CLEC4C: variants seen among roughly 807,000 people sequenced by gnomAD.
The protein encoded by CLEC4C is C-type (calcium dependent, carbohydrate-recognition domain) lectin, superfamily member 11.
Under a neutral mutation model 27.7 loss-of-function variants are expected in CLEC4C, and 17 were observed. The ratio of observed to expected loss-of-function variants is 0.61; its 90% CI spans 0.42 to 0.92. CLEC4C has a LOEUF of 0.92. Among genes scored for constraint, CLEC4C ranks in the 40% least tolerant of loss-of-function variants. CLEC4C has a pLI of 0.00. For synonymous variants in CLEC4C, 80 were observed against 80.8 expected, an observed-to-expected ratio of 0.99 and a Z score of 0.06; for missense variants, 244 against 257.3, an observed-to-expected ratio of 0.95 and a Z score of 0.35.
intron 3 of CLEC4C, among the ~76,000 whole-genome samples, chr12:7,738,284 T>C (rs1792889125): frequency 6.6e-6 from 1 of 152,174 alleles, no homozygotes. Context: ...GGAATATTTC[T>C]CACTCAGAAT....
intron 3 of CLEC4C, 82 bp from the exon 4 acceptor site, chr12:7,737,656 TTTAA>T: frequency 7.3e-7 from 1 of 1,362,124 alleles, no homozygotes; most frequent in South Asian, 1.4e-5. Flanking sequence ...CTTGCTAAGG[TTTAA>T]TTAGTTTTCA....
At chr12:7,735,973 A>G (rs754962106) in intron 4 of CLEC4C, among the ~76,000 whole-genome samples, 1 of 152,072 alleles carries the variant, frequency 6.6e-6, no homozygotes, top group African/African-American at 2.4e-5. Flanking sequence ...CAGGATAGAC[A>G]TAGTTGAAGA....
At chr12:7,748,474 C>T (rs1007622126), upstream of CLEC4C, among the ~76,000 whole-genome samples, 8 of 151,502 alleles carry the variant, frequency 5.3e-5, no homozygotes, top group South Asian at 2.1e-4. Context: ...TACAGTGAGC[C>T]GAGATCGTGC....
At chr12:7,730,639 TAAAA>T (rs80129912) in intron 5 of CLEC4C, 154 bp downstream of exon 5, 910 of 284,828 alleles carry the variant, frequency 3.2e-3, no homozygotes, top group Middle Eastern at 7.4e-3. Flanking sequence ...GACTCTTGTC[TAAAA>T]AAAAAAAAAA....
At chr12:7,741,636 T>G in intron 2 of CLEC4C, 105 bp from the exon 3 acceptor site, 1 of 663,742 alleles carries the variant, frequency 1.5e-6, no homozygotes, top group Middle Eastern at 3.0e-4. Context: ...GCCTGTAATC[T>G]CAGCACTTTA....
chr12:7,741,064 G>C lies in CLEC4C; in HGVS notation c.235+357C>G, dbSNP rs147674574. Among the ~76,000 whole-genome samples the C allele has an allele frequency of 8.9e-3, 1,356 of 152,156 alleles. 91 individuals are homozygous for C. In the East Asian group the frequency reaches 0.16, roughly 18 times the overall value. On this transcript the variant is annotated intron_variant, in intron 3 of 5. Coordinates refer to ENST00000360345, the MANE Select transcript of CLEC4C (RefSeq NM_001371390.1). Reference sequence around the variant, plus strand: ...ACCGTGGTCTCGATCTCCTGACCTCGTGATCCGCCCGCCTCGGCCTCCCAA... The same window carrying C: ...ACCGTGGTCTCGATCTCCTGACCTCCTGATCCGCCCGCCTCGGCCTCCCAA...
chr12:7,731,161 C>G (rs981448875), intron 4 of CLEC4C, among the ~76,000 whole-genome samples: 1 of 152,124 alleles, frequency 6.6e-6, no homozygotes, highest in African/African-American at 2.4e-5. Context: ...CAATGGACCC[C>G]AGTAAAACAG....
intron 2 of CLEC4C, among the ~76,000 whole-genome samples, chr12:7,743,535 C>T (rs1864907408): frequency 6.6e-6 from 1 of 151,578 alleles, no homozygotes; most frequent in African/African-American, 2.4e-5. Flanking sequence ...CAGGCGCCCG[C>T]CACCGCGCCC....
intron 4 of CLEC4C, among the ~76,000 whole-genome samples, chr12:7,732,031 T>C (rs1864606847): frequency 1.3e-5 from 2 of 152,166 alleles, no homozygotes; most frequent in African/African-American, 4.8e-5. Context: ...CAGGTCACTT[T>C]TTTTTCTTTC....
chr12:7,738,027 T>C (rs1864768767), intron 3 of CLEC4C, among the ~76,000 whole-genome samples: 1 of 152,182 alleles, frequency 6.6e-6, no homozygotes. Context: ...TAACTTCAGG[T>C]TCTCATCATT....
chr12:7,746,301 GA>G lies in CLEC4C; in HGVS notation c.124+29del, dbSNP rs771861510. On this transcript the variant is annotated intron_variant, in intron 2 of 5. Coordinates refer to ENST00000360345, the MANE Select transcript of CLEC4C (RefSeq NM_001371390.1). ...AAAATGTGATTGGGAAAAGGACCAA[GA>G]GATGACTGCACTCCAGCCAAGAACT... 1.1e-4 allele frequency: 141 copies of G among 1,266,180 alleles called. 1 individual carries two copies. The highest frequency in any genetic ancestry group is 1.6e-4 in the Non-Finnish European group (139 of 870,142). 78.4% of individuals were successfully genotyped at this position (1,266,180 alleles called of 1,614,324 possible).
intron 3 of CLEC4C, among the ~76,000 whole-genome samples, chr12:7,741,093 G>A (rs765194013): frequency 1.3e-5 from 2 of 152,276 alleles, no homozygotes; most frequent in African/African-American, 4.8e-5. Context: ...CTCCCAAAGC[G>A]CTGGGATTAC....
At chr12:7,736,666 T>C (rs1864732871) in intron 4 of CLEC4C, among the ~76,000 whole-genome samples, 1 of 152,164 alleles carries the variant, frequency 6.6e-6, no homozygotes, top group Non-Finnish European at 1.5e-5. Context: ...CCCAGCACTT[T>C]GGGAGGCCGA....
At chr12:7,746,019 C>T (rs771980964) in intron 2 of CLEC4C, among the ~76,000 whole-genome samples, 200 of 151,378 alleles carry the variant, frequency 1.3e-3, no homozygotes, top group Middle Eastern at 0.01. Context: ...ATCGAAACCA[C>T]CCTGGCTAAC....
rs1220462876 is a variant in CLEC4C, at chr12:7,737,496, G to T, written c.314C>A (p.Thr105Asn). Residue 105 changes from threonine to asparagine, a missense_variant, in exon 4 of 6, where the codon ACT becomes AAT. Coordinates refer to ENST00000360345, the MANE Select transcript of CLEC4C (RefSeq NM_001371390.1). ...YFISTGMQSW[T>N]KSQKNCSVMG... ...CACAGAACAGTTCTTTTGACTCTTA[G>T]TCCAAGATTGCATCCCAGTAGAAAT... 17 of 1,613,808 alleles carry T rather than the reference G, an allele frequency of 1.1e-5. No homozygotes were observed. In the Admixed American group the frequency reaches 2.7e-4, roughly 25 times the overall value.
chr12:7,735,895 A>C (rs1405443076), intron 4 of CLEC4C, among the ~76,000 whole-genome samples: 1 of 152,226 alleles, frequency 6.6e-6, no homozygotes, highest in Non-Finnish European at 1.5e-5. Context: ...TTGAAAGAGA[A>C]GCAAGATCAA....
rs1344706411 is a variant in CLEC4C, at chr12:7,737,572, A to C, written c.238T>G (p.Trp80Gly). The C allele has an allele frequency of 6.2e-7, 1 of 1,612,858 alleles. No individual in the cohort carries two copies. The highest frequency in any genetic ancestry group is 1.1e-5 in the South Asian group (1 of 90,944). ...GTCCAAGGGGTTGGGCAGCAGCTCC[A>C]ATCTTCCCAAATGAGTATAGAAGAA... Reference protein sequence around the residue: ...CVMEGKDIEDWSCCPTPWTSF... With the variant: ...CVMEGKDIEDGSCCPTPWTSF... The change falls in exon 4 of 6, where the codon TGG becomes GGG. Residue 80 changes from tryptophan to glycine, a missense_variant and splice_region_variant. Trp to Gly is a radical substitution (Grantham distance 184). Transcript: ENST00000360345.
chr12:7,739,597 G>A (rs1222245033), intron 3 of CLEC4C, among the ~76,000 whole-genome samples: 1 of 152,124 alleles, frequency 6.6e-6, no homozygotes, highest in Non-Finnish European at 1.5e-5. Context: ...AGTAGGCCTG[G>A]ACTAGGGAGC....
intron 1 of CLEC4C, 65 bp from the exon 2 acceptor site, chr12:7,746,488 G>A (rs1417766601): frequency 6.7e-5 from 68 of 1,014,548 alleles, no homozygotes; most frequent in Non-Finnish European, 9.9e-5. Context: ...GGAAACCAGA[G>A]TCCCAAAAAT....
Sources: gnomAD v4.1 joint callset for allele counts (sites outside exome capture counted in the v4.1 genomes callset) on GRCh38, gnomAD v4.1.1 for gene constraint, MANE v1.5 for transcripts, NCBI Gene and HGNC (gene_info 2026-07-23, HGNC 2026-07-21) for gene names.